Variants in GID4 observed in about 807,000 individuals in gnomAD.
The protein encoded by GID4 is GID complex subunit 4 homolog, also known as glucose-induced degradation protein 4 homolog.
Under a neutral mutation model 32.4 loss-of-function variants are expected in GID4, and 7 were observed. The observed-to-expected ratio is 0.22, with a 90% confidence interval of 0.12 to 0.41. The LOEUF is 0.41. Among genes scored for constraint, GID4 ranks in the 10% least tolerant of loss-of-function variants. GID4 has a pLI of 1.00. For synonymous variants in GID4, 166 were observed against 170.0 expected (o/e 0.98, Z 0.18); for missense variants, 309 against 400.0 (o/e 0.77, Z 1.94).
intron 2 of GID4, among the ~76,000 whole-genome samples, chr17:18,051,786 T>C (rs745933280): frequency 3.4e-5 from 5 of 148,898 alleles, no homozygotes; most frequent in Non-Finnish European, 6.0e-5. Flanking sequence ...AAAAGTTAGT[T>C]TATACCGGCT....
chr17:18,062,857 C>T (rs1406461321), intron 5 of GID4, among the ~76,000 whole-genome samples: 9 of 151,378 alleles, frequency 5.9e-5, no homozygotes, highest in Non-Finnish European at 1.2e-4. Flanking sequence ...GGGTGGATCA[C>T]GAGGTCAGGA....
chr17:18,039,555 C>A lies in GID4; in HGVS notation c.91C>A (p.Arg31Ser), dbSNP rs1187074288. The A allele has an allele frequency of 3.8e-6, 5 of 1,304,988 alleles. No homozygotes were observed. The highest frequency in any genetic ancestry group is 4.2e-5 in the Admixed American group (1 of 24,044). The allele number at this position is 1,304,988 out of a possible 1,614,324, so 80.8% of individuals were successfully genotyped here. A position where few individuals can be genotyped will look rare whatever the true frequency, so the allele number is the denominator to read the frequency against. ...CCCTGGGTCCCGGTGGCGGCCGGAGCGCTTGCTCCGCAGGCAGCGGGCGGG... is the reference window on the plus strand; with the variant it reads ...CCCTGGGTCCCGGTGGCGGCCGGAGAGCTTGCTCCGCAGGCAGCGGGCGGG... The part of the protein sequence containing the change: ...QVPGSRWRPE[R>S]LLRRQRAGGR... The change falls in exon 1 of 6, where the codon CGC becomes AGC. Residue 31 changes from arginine (R) to serine (S), a missense_variant. Physicochemically the swap from Arg to Ser is moderately radical, Grantham distance 110. Transcript: ENST00000268719. The surrounding 1 kb of genome is among the most constrained non-coding windows in gnomAD (Gnocchi z 5.3).
intron 2 of GID4, among the ~76,000 whole-genome samples, chr17:18,053,527 C>T (rs1317609014): frequency 6.6e-6 from 1 of 151,984 alleles, no homozygotes; most frequent in Non-Finnish European, 1.5e-5. Flanking sequence ...GTAGGAGAAT[C>T]ACATAAACCC....
intron 3 of GID4, chr17:18,056,662 C>T (rs1389593418): frequency 6.5e-7 from 1 of 1,534,658 alleles, no homozygotes; most frequent in Non-Finnish European, 8.8e-7. Context: ...AAATTAAATA[C>T]TTGGAAAGCA....
intron 1 of GID4, among the ~76,000 whole-genome samples, chr17:18,044,107 G>C (rs79266473): frequency 1.3e-5 from 2 of 152,082 alleles, no homozygotes; most frequent in East Asian, 1.9e-4. Context: ...CCCAGGACTG[G>C]ACACTCCATG....
At chr17:18,054,070 C>A (rs2145563910) in intron 2 of GID4, 57 bp from the exon 3 acceptor site, 1 of 953,444 alleles carries the variant, frequency 1.0e-6, no homozygotes, top group Non-Finnish European at 1.7e-6. Flanking sequence ...TTCCTTTGTA[C>A]AAAGGTTAAA....
At position 18,065,666 on chromosome 17, in the gene GID4, G is replaced by T; in HGVS notation, c.*423G>T. ...CACCCCCCGCCAGTTGCTTTGTCTG[G>T]TAGCTCAAGAGAAGGCAGAGCCCCA... On this transcript the variant is annotated 3_prime_UTR_variant, in exon 6 of 6. Coordinates refer to ENST00000268719, the MANE Select transcript of GID4 (RefSeq NM_024052.5). 1 of 236,060 alleles carries T rather than the reference G, an allele frequency of 4.2e-6. No individual in the cohort carries two copies. Among genetic ancestry groups the T allele is most frequent in the Non-Finnish European group, 8.5e-6 (1 of 118,340 alleles). The allele number at this position is 236,060 out of a possible 1,614,324, so 14.6% of individuals were successfully genotyped here. A position where few individuals can be genotyped will look rare whatever the true frequency, so the allele number is the denominator to read the frequency against.
At chr17:18,060,084 C>CAAAA (rs35399188) in intron 4 of GID4, among the ~76,000 whole-genome samples, 37 of 60,438 alleles carry the variant, frequency 6.1e-4, no homozygotes, top group Non-Finnish European at 7.5e-4. Context: ...GACTCCATCT[C>CAAAA]AAAAAAAAAA....
rs528469489 is a variant in GID4, at chr17:18,061,315, T to C, written c.709-530T>C. 6.6e-6 allele frequency among the ~76,000 whole-genome samples: 1 copy of C among 152,296 alleles called. No homozygotes were observed. Among genetic ancestry groups the C allele is most frequent in the South Asian group, 2.1e-4 (1 of 4,824 alleles). On this transcript the variant is annotated intron_variant, in intron 4 of 5. Coordinates refer to ENST00000268719, the MANE Select transcript of GID4 (RefSeq NM_024052.5). The surrounding 1 kb of genome is among the most constrained non-coding windows in gnomAD (Gnocchi z 4.4). ...AGGTCCCTGGTAAAGAACAGTACCG[T>C]TCTGACTGCTTTTGACAAGGCGTCA... is the stretch of plus-strand genomic sequence containing the variant.
chr17:18,045,891 C>CA (rs549347770), intron 2 of GID4, among the ~76,000 whole-genome samples: 876 of 80,456 alleles, frequency 0.011, 6 homozygotes, highest in African/African-American at 0.023. Flanking sequence ...GACCCTGTCT[C>CA]AAAAAAAAAA....
intron 3 of GID4, among the ~76,000 whole-genome samples, chr17:18,055,452 C>T (rs1026564998): frequency 2.3e-4 from 35 of 152,044 alleles, no homozygotes; most frequent in African/African-American, 7.7e-4. Context: ...AGATCAGTTG[C>T]TTTGCTTACT....
intron 4 of GID4, 133 bp downstream of exon 4, chr17:18,059,102 G>A: frequency 1.6e-6 from 1 of 614,756 alleles, no homozygotes; most frequent in Non-Finnish European, 2.9e-6. Context: ...AAGTCTTCAT[G>A]GCAGGGTCTT....
At chr17:18,058,380 CAT>C (rs2044989926) in intron 3 of GID4, among the ~76,000 whole-genome samples, 1 of 152,176 alleles carries the variant, frequency 6.6e-6, no homozygotes. Context: ...ACAAGGCTAT[CAT>C]GTGTTTCTAG....
chr17:18,039,582 G>A lies in GID4; in HGVS notation c.118G>A (p.Gly40Ser), dbSNP rs751616570. 62 of 1,302,482 alleles carry A rather than the reference G, an allele frequency of 4.8e-5. 2 individuals carry two copies. The South Asian group carries it at 5.9e-4, about 12-fold the overall frequency. 80.7% of individuals were successfully genotyped at this position (1,302,482 alleles called of 1,614,324 possible). A position where few individuals can be genotyped will look rare whatever the true frequency, so the allele number is the denominator to read the frequency against. Reference sequence around the variant, plus strand: ...CTTGCTCCGCAGGCAGCGGGCGGGTGGTCGCCCCTCCCGCCCCCACCCCGC... The same window carrying A: ...CTTGCTCCGCAGGCAGCGGGCGGGTAGTCGCCCCTCCCGCCCCCACCCCGC... ...ERLLRRQRAG[G>S]RPSRPHPARA... Residue 40 changes from glycine (G) to serine (S), a missense_variant, in exon 1 of 6, where the codon GGT (glycine) becomes AGT (serine). Physicochemically the swap from Gly to Ser is moderately conservative, Grantham distance 56. Around this residue, in one of 2 missense-constraint regions of GID4, gnomAD observed 193 missense variants for 185.8 expected, o/e 1.04. Transcript: ENST00000268719. The surrounding 1 kb of genome is among the most constrained non-coding windows in gnomAD (Gnocchi z 5.3).
At position 18,039,492 on chromosome 17, in the gene GID4, G is replaced by A. The variant is rs956950340; in HGVS notation, c.28G>A (p.Gly10Arg). Residue 10 changes from glycine to arginine, a missense_variant, in exon 1 of 6, where the codon GGG becomes AGG. By Grantham distance (125) the Gly-to-Arg change is moderately radical. Transcript: ENST00000268719. The surrounding 1 kb of genome is among the most constrained non-coding windows in gnomAD (Gnocchi z 5.3). MCARGQVGR[G>R]TQLRTGRPCS... ...GTGTGCGCGAGGGCAAGTCGGGAGGGGGACCCAGCTCAGGACTGGGAGGCC... is the reference window on the plus strand; with the variant it reads ...GTGTGCGCGAGGGCAAGTCGGGAGGAGGACCCAGCTCAGGACTGGGAGGCC... 2.2e-6 allele frequency: 3 copies of A among 1,335,336 alleles called. No individual in the cohort carries two copies. The highest frequency in any genetic ancestry group is 2.9e-6 in the Non-Finnish European group (3 of 1,047,638). 82.7% of individuals were successfully genotyped at this position (1,335,336 alleles called of 1,614,324 possible).
chr17:18,042,761 G>A (rs1363763648), intron 1 of GID4, among the ~76,000 whole-genome samples: 1 of 152,170 alleles, frequency 6.6e-6, no homozygotes, highest in Non-Finnish European at 1.5e-5. Context: ...TCCACCAGCA[G>A]TGGGTGAGGG....
intron 2 of GID4, among the ~76,000 whole-genome samples, chr17:18,046,563 A>C (rs1360822187): frequency 1.3e-5 from 2 of 151,876 alleles, no homozygotes; most frequent in Non-Finnish European, 2.9e-5. Flanking sequence ...TGCTGTGATC[A>C]TGCCTGTGAA....
At chr17:18,058,741 C>T in intron 3 of GID4, 127 bp from the exon 4 acceptor site, 1 of 631,528 alleles carries the variant, frequency 1.6e-6, no homozygotes, top group South Asian at 1.9e-5. Context: ...CTTAGCTGCC[C>T]TTTTGGGAGC....
In GID4 at chr17:18,045,048, GACC is replaced by G. The variant is rs1297210297; in HGVS notation, c.439-94_439-92del. On this transcript the variant is annotated intron_variant, in intron 1 of 5. Coordinates refer to ENST00000268719, the MANE Select transcript of GID4 (RefSeq NM_024052.5). ...CCTTGGACTGCCCTGGGTGTTCACT[GACC>G]ACCAGTCTGGCCTCACAGGATTTGC... is the stretch of plus-strand genomic sequence containing the variant. 10 of 879,178 alleles carry G rather than the reference GACC, an allele frequency of 1.1e-5. No homozygotes were observed. The African/African-American group carries it at 1.6e-4, about 14-fold the overall frequency. The allele number at this position is 879,178 out of a possible 1,614,324, so 54.5% of individuals were successfully genotyped here.
Sources: gnomAD v4.1 joint callset for allele counts (sites outside exome capture counted in the v4.1 genomes callset) on GRCh38, gnomAD v4.1.1 for gene constraint, gnomAD v4.1.1 regional missense constraint, Gnocchi (gnomAD v3.1) non-coding constraint, MANE v1.5 for transcripts, NCBI Gene and HGNC (gene_info 2026-07-23, HGNC 2026-07-21) for gene names.